The following NR3C1 variants were observed in gnomAD, a reference collection of about 807,000 sequenced individuals.
The protein encoded by NR3C1 is glucocorticoid receptor.
A neutral mutation model predicts 74.0 loss-of-function variants in NR3C1; 14 were observed. That is an observed-to-expected ratio of 0.19 (90% CI 0.12 to 0.30). The LOEUF (loss-of-function observed/expected upper bound fraction) is 0.30, where lower values mean the gene tolerates loss of function less well. Ranked by LOEUF, NR3C1 falls within the 10% of genes least tolerant of loss-of-function variation. The probability of loss-of-function intolerance (pLI) is 1.00; values close to 1 mark genes in which losing one functional copy is unlikely to be tolerated. For synonymous variants in NR3C1, 308 were observed against 332.5 expected (o/e 0.93, Z 0.80); for missense variants, 695 against 909.8 (o/e 0.76, Z 3.04).
intron 2 of NR3C1, among the ~76,000 whole-genome samples, chr5:143,350,637 A>C (rs1300556865): frequency 6.6e-6 from 1 of 152,172 alleles, no homozygotes; most frequent in Non-Finnish European, 1.5e-5. Flanking sequence ...TCTGAGCTGG[A>C]GATACAGTAG....
At chr5:143,332,289 A>G (rs1826122683) in intron 2 of NR3C1, among the ~76,000 whole-genome samples, 1 of 152,032 alleles carries the variant, frequency 6.6e-6, no homozygotes, top group Non-Finnish European at 1.5e-5. Flanking sequence ...GGATTATTTT[A>G]AGAAAGTTCG....
chr5:143,358,706 A>G (rs1232240262), intron 2 of NR3C1, among the ~76,000 whole-genome samples: 2 of 152,044 alleles, frequency 1.3e-5, no homozygotes, highest in Non-Finnish European at 2.9e-5. Flanking sequence ...GTTCGAGACC[A>G]GCCTGACCAA....
In NR3C1 at chr5:143,335,306, C is replaced by A. The variant is rs549458179; in HGVS notation, c.1185-21138G>T. Among the ~76,000 whole-genome samples the A allele has an allele frequency of 3.3e-5, 5 of 152,264 alleles. No individual in the cohort carries two copies. The South Asian group carries it at 1.0e-3, about 32-fold the overall frequency. ...AGGAAAACTCTCTGTAACCATAAAG[C>A]CCAACTCATGTTTTTACATCTAATC... On this transcript the variant is annotated intron_variant, in intron 2 of 8. Coordinates refer to ENST00000394464, the MANE Select transcript of NR3C1 (RefSeq NM_000176.3).
upstream of NR3C1, among the ~76,000 whole-genome samples, chr5:143,406,776 T>G (rs1841128402): frequency 6.6e-6 from 1 of 152,248 alleles, no homozygotes; most frequent in Non-Finnish European, 1.5e-5. Flanking sequence ...TTTTCCTCAC[T>G]GATCTCAATC....
At position 143,399,804 on chromosome 5, in the gene NR3C1, C is replaced by T. The variant is rs72558022; in HGVS notation, c.1036G>A (p.Asp346Asn). 1 of 1,614,162 alleles carries T rather than the reference C, an allele frequency of 6.2e-7. No individual in the cohort carries two copies. The highest frequency in any genetic ancestry group is 1.3e-5 in the African/African-American group (1 of 75,034). ...MNTASLSQQQ[D>N]QKPIFNVIPP... ...ATGACATTAAAAATAGGCTTCTGAT[C>T]CTGCTGTTGAGAAAGGGATGCTGTA... Residue 346 changes from aspartate (D) to asparagine (N), a missense_variant, in exon 2 of 9, where the codon GAT becomes AAT. Around this residue, in one of 4 missense-constraint regions of NR3C1, gnomAD observed 497 missense variants for 489.5 expected, o/e 1.02. Coordinates refer to ENST00000394464, the MANE Select transcript of NR3C1 (RefSeq NM_000176.3).
At chr5:143,290,695 G>GTT (rs747222336) in intron 7 of NR3C1, among the ~76,000 whole-genome samples, 8 of 152,028 alleles carry the variant, frequency 5.3e-5, no homozygotes, top group Non-Finnish European at 1.0e-4. Context: ...AGCCTCCCGA[G>GTT]TAGCTAGGAT....
chr5:143,428,804 A>G (rs1751666954), intron 1 of NR3C1, among the ~76,000 whole-genome samples: 1 of 152,186 alleles, frequency 6.6e-6, no homozygotes, highest in Non-Finnish European at 1.5e-5. Flanking sequence ...AAGCAAAGCA[A>G]TGTGAGTGGG....
At chr5:143,358,008 C>T (rs530845620) in intron 2 of NR3C1, among the ~76,000 whole-genome samples, 21 of 152,306 alleles carry the variant, frequency 1.4e-4, no homozygotes, top group Non-Finnish European at 2.5e-4. Flanking sequence ...CTTGATCAAG[C>T]CAAACGATAG....
chr5:143,393,640 C>T (rs1175904827), intron 2 of NR3C1, among the ~76,000 whole-genome samples: 1 of 152,014 alleles, frequency 6.6e-6, no homozygotes, highest in African/African-American at 2.4e-5. Flanking sequence ...AAAACGATAA[C>T]ATAAAGTAAA....
rs139811018 is a variant in NR3C1 at position 143,317,063 on chromosome 5, T to C, written c.1185-2895A>G. Among the ~76,000 whole-genome samples the C allele has an allele frequency of 5.1e-3, 776 of 152,216 alleles. 3 individuals carry two copies. Among genetic ancestry groups the C allele is most frequent in the Middle Eastern group, 6.8e-3 (2 of 294 alleles). ...CTACATCAGATAAGAACTGAGTACA[T>C]GGAAAGCTGCCAGATGTACCATAGA... is the stretch of plus-strand genomic sequence containing the variant. On this transcript the variant is annotated intron_variant, in intron 2 of 8. Coordinates refer to ENST00000394464, the MANE Select transcript of NR3C1 (RefSeq NM_000176.3).
At chr5:143,402,762 C>T (rs1313865347) in intron 1 of NR3C1, 1 of 985,300 alleles carries the variant, frequency 1.0e-6, no homozygotes, top group Non-Finnish European at 1.2e-6. Context: ...GGAGCCCGGG[C>T]TCGCGCTCGG....
At chr5:143,392,819 C>G (rs1214233322) in intron 2 of NR3C1, among the ~76,000 whole-genome samples, 1 of 152,108 alleles carries the variant, frequency 6.6e-6, no homozygotes, top group Non-Finnish European at 1.5e-5. Flanking sequence ...AAAAGTAACT[C>G]TTATAAAATA....
chr5:143,338,928 C>T (rs536487338), intron 2 of NR3C1, among the ~76,000 whole-genome samples: 1 of 152,174 alleles, frequency 6.6e-6, no homozygotes, highest in East Asian at 1.9e-4. Context: ...TTTTTTTCCT[C>T]TTTTATATTG....
intron 2 of NR3C1, among the ~76,000 whole-genome samples, chr5:143,321,531 A>G (rs1390639362): frequency 6.6e-6 from 1 of 152,142 alleles, no homozygotes; most frequent in Non-Finnish European, 1.5e-5. Flanking sequence ...TTTCCATTCT[A>G]TCCCCCACAC....
intron 4 of NR3C1, among the ~76,000 whole-genome samples, chr5:143,306,360 T>A (rs1231292282): frequency 6.9e-6 from 1 of 145,476 alleles, no homozygotes; most frequent in African/African-American, 2.5e-5. Context: ...CTGAAGGTTG[T>A]TAAAAAAAAA....
chr5:143,378,302 G>A (rs576813610), intron 2 of NR3C1, among the ~76,000 whole-genome samples: 39 of 152,026 alleles, frequency 2.6e-4, no homozygotes, highest in Non-Finnish European at 3.1e-4. Context: ...TCAAAACAGC[G>A]AAGACTGCAA....
At chr5:143,382,867 T>A (rs1310593344) in intron 2 of NR3C1, among the ~76,000 whole-genome samples, 1 of 152,228 alleles carries the variant, frequency 6.6e-6, no homozygotes, top group African/African-American at 2.4e-5. Context: ...CTGACATGAA[T>A]CCCTATATCT....
intron 1 of NR3C1, among the ~76,000 whole-genome samples, chr5:143,421,198 G>A (rs1263396796): frequency 1.3e-5 from 2 of 152,150 alleles, no homozygotes; most frequent in East Asian, 3.9e-4. Context: ...GCCTCTGGAG[G>A]AGAGTGCTAA....
intron 2 of NR3C1, among the ~76,000 whole-genome samples, chr5:143,374,109 G>T (rs1220904507): frequency 6.6e-6 from 1 of 152,070 alleles, no homozygotes; most frequent in Non-Finnish European, 1.5e-5. Flanking sequence ...ATATTCCCCA[G>T]ATTTTAAATT....
Sources: gnomAD v4.1 joint callset for allele counts (sites outside exome capture counted in the v4.1 genomes callset) on GRCh38, gnomAD v4.1.1 for gene constraint, gnomAD v4.1.1 regional missense constraint, MANE v1.5 for transcripts, NCBI Gene and HGNC (gene_info 2026-07-23, HGNC 2026-07-21) for gene names.